The following SLC13A3 variants were observed in gnomAD, a reference collection of about 807,000 sequenced individuals.
The protein encoded by SLC13A3 is Na(+)/dicarboxylate cotransporter 3.
SLC13A3 carries 40 observed loss-of-function variants against 59.0 expected under a neutral mutation model. The observed-to-expected ratio is 0.68, with a 90% confidence interval of 0.53 to 0.88. SLC13A3 has a LOEUF of 0.88. Ranked by LOEUF, SLC13A3 falls within the 40% of genes least tolerant of loss-of-function variation. The probability of loss-of-function intolerance (pLI) is 0.00; values close to 1 mark genes in which losing one functional copy is unlikely to be tolerated. For synonymous variants in SLC13A3, 317 were observed against 330.3 expected (o/e 0.96, Z 0.44); for missense variants, 699 against 783.2 (o/e 0.89, Z 1.28).
At chr20:46,608,320 T>C (rs940321408) in intron 3 of SLC13A3, among the ~76,000 whole-genome samples, 1 of 152,232 alleles carries the variant, frequency 6.6e-6, no homozygotes, top group African/African-American at 2.4e-5. Flanking sequence ...TTTTGTCACA[T>C]TGCCACGCCT....
rs2062427542 is a variant in SLC13A3 at position 46,605,355 on chromosome 20, C to A, written c.541+5091G>T. Among the ~76,000 whole-genome samples the A allele has an allele frequency of 2.0e-5, 3 of 152,192 alleles. No individual in the cohort carries two copies. The South Asian group carries it at 6.2e-4, about 32-fold the overall frequency. ...GATCCACCCCTGTGCTTCCTGTGAC[C>A]TCAGTGGCCCAAGAGACCACATGGA... is the stretch of plus-strand genomic sequence containing the variant. On this transcript the variant is annotated intron_variant, in intron 3 of 12. Coordinates refer to ENST00000279027, the MANE Select transcript of SLC13A3 (RefSeq NM_022829.6).
intron 1 of SLC13A3, among the ~76,000 whole-genome samples, chr20:46,632,465 G>GAAA (rs754161406): frequency 2.5e-5 from 3 of 121,806 alleles, no homozygotes; most frequent in East Asian, 2.6e-4. Context: ...CCCCAAGGGG[G>GAAA]AAAAAAAAAA....
intron 6 of SLC13A3, among the ~76,000 whole-genome samples, chr20:46,590,717 A>AT (rs2062244669): frequency 6.6e-6 from 1 of 152,324 alleles, no homozygotes; most frequent in Non-Finnish European, 1.5e-5. Flanking sequence ...AACATGTACG[A>AT]TTTTTATGAA....
chr20:46,670,844 C>T (rs181976514), upstream of SLC13A3, among the ~76,000 whole-genome samples: 142 of 152,224 alleles, frequency 9.3e-4, no homozygotes, highest in African/African-American at 3.2e-3. Flanking sequence ...ATGAAAGGTA[C>T]ACACTAAGGA....
chr20:46,583,340 A>G, intron 9 of SLC13A3: 1 of 1,214,714 alleles, frequency 8.2e-7, no homozygotes, highest in Non-Finnish European at 1.0e-6. Flanking sequence ...AGGCTGTTCA[A>G]AAACAGATAG....
intron 5 of SLC13A3, among the ~76,000 whole-genome samples, chr20:46,594,147 G>A (rs1414844778): frequency 6.6e-6 from 1 of 151,396 alleles, no homozygotes. Context: ...GAGCCCTTGT[G>A]TTGCATAAGA....
At chr20:46,640,042 T>TA (rs934194972) in intron 1 of SLC13A3, among the ~76,000 whole-genome samples, 18 of 152,160 alleles carry the variant, frequency 1.2e-4, no homozygotes, top group African/African-American at 4.1e-4. Context: ...ACAGTGAACA[T>TA]AAAAAAGCTC....
intron 1 of SLC13A3, among the ~76,000 whole-genome samples, chr20:46,625,630 T>A (rs1568943346): frequency 6.6e-6 from 1 of 152,210 alleles, no homozygotes; most frequent in Admixed American, 6.5e-5. Flanking sequence ...AATTCCCACA[T>A]CCTCTCCAAA....
intron 1 of SLC13A3, among the ~76,000 whole-genome samples, chr20:46,623,379 CA>C (rs142789891): frequency 0.011 from 1,748 of 152,228 alleles, 41 homozygotes; most frequent in African/African-American, 0.04. Context: ...ATGCCCCTAA[CA>C]ATCTTTTCTT....
chr20:46,605,916 A>G (rs917613989), intron 3 of SLC13A3, among the ~76,000 whole-genome samples: 1 of 152,162 alleles, frequency 6.6e-6, no homozygotes, highest in Non-Finnish European at 1.5e-5. Context: ...GTTTATATCC[A>G]TTTACTCACT....
chr20:46,605,968 G>A (rs1485008762), intron 3 of SLC13A3, among the ~76,000 whole-genome samples: 2 of 152,164 alleles, frequency 1.3e-5, no homozygotes, highest in African/African-American at 2.4e-5. Flanking sequence ...TATTATCCCT[G>A]TTTTAGGTTT....
At chr20:46,625,893 T>C (rs1475726406) in intron 1 of SLC13A3, among the ~76,000 whole-genome samples, 1 of 152,228 alleles carries the variant, frequency 6.6e-6, no homozygotes, top group Admixed American at 6.5e-5. Flanking sequence ...TGAGAATTTA[T>C]TTGTACATTT....
chr20:46,608,975 C>G, intron 3 of SLC13A3: 1 of 1,550,840 alleles, frequency 6.4e-7, no homozygotes, highest in Non-Finnish European at 8.7e-7. Flanking sequence ...ATTGACCAGA[C>G]TCAGTTATCT....
chr20:46,613,390 A>T, intron 2 of SLC13A3, 70 bp downstream of exon 2: 1 of 1,316,074 alleles, frequency 7.6e-7, no homozygotes, highest in African/African-American at 1.5e-5. Context: ...CAAGAAGAGC[A>T]GGTATAGGCT....
At chr20:46,626,162 CTTCT>C (rs1189641201) in intron 1 of SLC13A3, among the ~76,000 whole-genome samples, 1 of 149,684 alleles carries the variant, frequency 6.7e-6, no homozygotes, top group Non-Finnish European at 1.5e-5. Context: ...TCTCTCCCCC[CTTCT>C]TTTTCTCTCC....
At chr20:46,614,005 G>C (rs1232599622) in intron 1 of SLC13A3, 1 of 350,844 alleles carries the variant, frequency 2.9e-6, no homozygotes, top group Admixed American at 4.7e-5. Context: ...GACTGTTTGA[G>C]AATGAAATGA....
At chr20:46,590,223 AT>A (rs1271455597) in intron 6 of SLC13A3, among the ~76,000 whole-genome samples, 1 of 152,218 alleles carries the variant, frequency 6.6e-6, no homozygotes, top group Non-Finnish European at 1.5e-5. Flanking sequence ...GTAAAAAAAA[AT>A]AATAATACTA....
chr20:46,635,857 G>C (rs943427129), intron 1 of SLC13A3, among the ~76,000 whole-genome samples: 1 of 152,238 alleles, frequency 6.6e-6, no homozygotes, highest in South Asian at 2.1e-4. Flanking sequence ...GCGACCTCTA[G>C]TTGTCCTCAC....
intron 1 of SLC13A3, among the ~76,000 whole-genome samples, chr20:46,659,390 T>C (rs1013420297): frequency 2.6e-5 from 4 of 152,158 alleles, no homozygotes; most frequent in South Asian, 2.1e-4. Context: ...CTTTGCACAA[T>C]GATATATTAT....
Sources: allele counts gnomAD v4.1 joint callset (sites outside exome capture counted in the v4.1 genomes callset), GRCh38; gene constraint gnomAD v4.1.1; transcripts MANE v1.5; gene names NCBI Gene and HGNC (gene_info 2026-07-23, HGNC 2026-07-21).